The following CRACR2A variants were observed in gnomAD, a reference collection of about 807,000 sequenced individuals.
CRACR2A encodes the protein calcium release activated channel regulator 2A.
A neutral mutation model predicts 90.5 loss-of-function variants in CRACR2A; 79 were observed. The ratio of observed to expected loss-of-function variants is 0.87; its 90% CI spans 0.73 to 1.05. The LOEUF (loss-of-function observed/expected upper bound fraction) is 1.05, where lower values mean the gene tolerates loss of function less well. CRACR2A is among the 50% of genes least tolerant of loss of function. The pLI, the probability that CRACR2A is intolerant of heterozygous loss-of-function variation, is 0.00. For synonymous variants in CRACR2A, 338 were observed against 356.7 expected, an observed-to-expected ratio of 0.95 and a Z score of 0.59; for missense variants, 823 against 897.2, an observed-to-expected ratio of 0.92 and a Z score of 1.06.
intron 2 of CRACR2A, among the ~76,000 whole-genome samples, chr12:3,722,078 G>A (rs557694068): frequency 1.3e-5 from 2 of 152,248 alleles, no homozygotes; most frequent in South Asian, 2.1e-4. Context: ...TTGTGTACAT[G>A]TCTACCCCCA....
intron 7 of CRACR2A, among the ~76,000 whole-genome samples, chr12:3,668,795 C>G (rs552169739): frequency 6.6e-6 from 1 of 152,096 alleles, no homozygotes; most frequent in African/African-American, 2.4e-5. Context: ...CACCATGGAC[C>G]GGAAGTGGCT....
chr12:3,633,653 C>A lies in CRACR2A; in HGVS notation c.1686G>T (p.Leu562=). The change falls in exon 15 of 20, where the codon CTG becomes CTT. Residue 562 remains leucine (L), a synonymous_variant. Coordinates refer to ENST00000440314, the MANE Select transcript of CRACR2A (RefSeq NM_001144958.2). This position sits in a 1 kb window ranked among gnomAD's most constrained non-coding sequence, Gnocchi z 4.5. ...GNSAVGKTSF[L]RRFCEDRFSP... Reference sequence around the variant, plus strand: ...AGAACCGGTCCTCACAGAATCTCCTCAGGAAGGATGTCTTCCCCACCGCGG... The same window carrying A: ...AGAACCGGTCCTCACAGAATCTCCTAAGGAAGGATGTCTTCCCCACCGCGG... The A allele has an allele frequency of 6.4e-7, 1 of 1,551,736 alleles. No individual in the cohort carries two copies. The highest frequency in any genetic ancestry group is 8.7e-7 in the Non-Finnish European group (1 of 1,147,008).
rs2137462767 is a variant in CRACR2A, at chr12:3,654,116, G to C, written c.1046+96C>G. ...AACAAGCCCAAATCCTCTTTTCACA[G>C]GCAAGGAGACAGGGTCTCTGAGCGG... On this transcript the variant is annotated intron_variant, in intron 10 of 19. Transcript: ENST00000440314. The C allele has an allele frequency of 2.8e-6, 4 of 1,438,224 alleles. No homozygotes were observed. In the Middle Eastern group the frequency reaches 7.5e-4, roughly 268 times the overall value. 89.1% of individuals were successfully genotyped at this position (1,438,224 alleles called of 1,614,324 possible).
At chr12:3,663,958 C>T (rs774508958) in intron 7 of CRACR2A, among the ~76,000 whole-genome samples, 1 of 152,214 alleles carries the variant, frequency 6.6e-6, no homozygotes, top group African/African-American at 2.4e-5. Flanking sequence ...AAATGTAATG[C>T]TGTTAGATTT....
intron 4 of CRACR2A, among the ~76,000 whole-genome samples, chr12:3,694,383 T>A (rs1162111071): frequency 6.6e-6 from 1 of 152,238 alleles, no homozygotes; most frequent in Non-Finnish European, 1.5e-5. Flanking sequence ...CTCTCTGCTG[T>A]CAAGGACCTT....
chr12:3,647,800 C>G (rs1944716104), intron 11 of CRACR2A: 22 of 961,344 alleles, frequency 2.3e-5, no homozygotes, highest in Non-Finnish European at 2.6e-5. Flanking sequence ...AAATCAGAAC[C>G]CAAAGTCCTT....
At chr12:3,751,451 C>G (rs1946700878) in intron 1 of CRACR2A, among the ~76,000 whole-genome samples, 1 of 152,202 alleles carries the variant, frequency 6.6e-6, no homozygotes, top group Non-Finnish European at 1.5e-5. Flanking sequence ...CACTTCCCTT[C>G]TTAGAAACCA....
intron 2 of CRACR2A, among the ~76,000 whole-genome samples, chr12:3,715,667 T>C (rs1190217793): frequency 6.6e-6 from 1 of 152,058 alleles, no homozygotes; most frequent in East Asian, 1.9e-4. Flanking sequence ...TAGCTAACAA[T>C]AAAAGGGGAC....
intron 3 of CRACR2A, among the ~76,000 whole-genome samples, chr12:3,703,915 T>A (rs1459529578): frequency 6.6e-6 from 1 of 152,232 alleles, no homozygotes; most frequent in Non-Finnish European, 1.5e-5. Context: ...ATTATGAAGA[T>A]TGACTGTACC....
chr12:3,708,456 A>G (rs766021001), intron 3 of CRACR2A, among the ~76,000 whole-genome samples: 43 of 151,994 alleles, frequency 2.8e-4, no homozygotes, highest in Non-Finnish European at 5.0e-4. Context: ...ACGGAGTCTC[A>G]CTCAGTCGCC....
At chr12:3,658,416 G>A (rs374352520) in intron 8 of CRACR2A, among the ~76,000 whole-genome samples, 15 of 152,280 alleles carry the variant, frequency 9.9e-5, no homozygotes, top group African/African-American at 3.6e-4. Context: ...CTGTTCTCAG[G>A]AACTATTTTG....
chr12:3,663,919 T>G (rs994979310), intron 7 of CRACR2A, among the ~76,000 whole-genome samples: 1 of 152,236 alleles, frequency 6.6e-6, no homozygotes, highest in African/African-American at 2.4e-5. Context: ...GCTTCTGCCA[T>G]TGGCGTTTTG....
intron 17 of CRACR2A, among the ~76,000 whole-genome samples, chr12:3,621,738 A>T (rs1944145878): frequency 1.3e-5 from 2 of 150,980 alleles, no homozygotes; most frequent in East Asian, 1.9e-4. Context: ...GAAAAAAAAA[A>T]TTTAAAAGCA....
At chr12:3,621,174 G>A (rs1944122332) in intron 17 of CRACR2A, among the ~76,000 whole-genome samples, 1 of 152,146 alleles carries the variant, frequency 6.6e-6, no homozygotes, top group Non-Finnish European at 1.5e-5. Flanking sequence ...GAAAATATGA[G>A]CATCAGACTT....
chr12:3,632,504 C>G (rs115927265), intron 15 of CRACR2A, among the ~76,000 whole-genome samples: 1,538 of 152,240 alleles, frequency 0.01, 36 homozygotes, highest in African/African-American at 0.035. Flanking sequence ...CCTCCACAGC[C>G]CCTCCTGTCT....
intron 11 of CRACR2A, among the ~76,000 whole-genome samples, chr12:3,646,549 AG>A (rs1944690648): frequency 6.6e-6 from 1 of 152,348 alleles, no homozygotes; most frequent in Admixed American, 6.5e-5. Context: ...GGAATGTGCC[AG>A]GGTTGTTTTC....
intron 2 of CRACR2A, among the ~76,000 whole-genome samples, chr12:3,714,689 A>C (rs1833543032): frequency 6.6e-6 from 1 of 152,192 alleles, no homozygotes; most frequent in Non-Finnish European, 1.5e-5. Flanking sequence ...ACAATGCATT[A>C]TTTTGCAATA....
chr12:3,643,924 T>A (rs1374985315), intron 12 of CRACR2A, among the ~76,000 whole-genome samples: 2 of 121,306 alleles, frequency 1.6e-5, no homozygotes, highest in African/African-American at 6.2e-5. Context: ...ATATTATATA[T>A]ATATATATAA....
chr12:3,742,487 C>G (rs1946543465), intron 1 of CRACR2A, among the ~76,000 whole-genome samples: 1 of 152,152 alleles, frequency 6.6e-6, no homozygotes, highest in Admixed American at 6.5e-5. Flanking sequence ...GACAACATCC[C>G]CGTCTAGACG....
Sources: gnomAD v4.1 joint callset for allele counts (sites outside exome capture counted in the v4.1 genomes callset) on GRCh38, gnomAD v4.1.1 for gene constraint, Gnocchi (gnomAD v3.1) non-coding constraint, MANE v1.5 for transcripts, NCBI Gene and HGNC (gene_info 2026-07-23, HGNC 2026-07-21) for gene names.